LRP1: variants seen among roughly 807,000 people sequenced by gnomAD.
The protein encoded by LRP1 is LDL receptor related protein 1.
Under a neutral mutation model 541.5 loss-of-function variants are expected in LRP1, and 51 were observed. The ratio of observed to expected loss-of-function variants is 0.09; its 90% confidence interval spans 0.08 to 0.12. LRP1 has a LOEUF of 0.12. Ranked by LOEUF, LRP1 falls within the 10% of genes least tolerant of loss-of-function variation. LRP1 has a pLI of 1.00. For synonymous variants in LRP1, 2,219 were observed against 2,470.8 expected (o/e 0.90, Z 3.02); for missense variants, 3,878 against 6,376.2 (o/e 0.61, Z 13.34).
In LRP1 at chr12:57,201,499, G is replaced by A. The variant is rs761196035; in HGVS notation, c.10348G>A (p.Glu3450Lys). 43 of 1,612,124 alleles carry A rather than the reference G, an allele frequency of 2.7e-5. 1 individual carries two copies. The South Asian group carries it at 4.1e-4, about 15-fold the overall frequency. The part of the protein sequence containing the change: ...GDGEDERDCP[E>K]VTCAPNQFQC... The stretch of plus-strand genomic sequence containing the variant: ...TCATTCTCTTGCCCACCCCACAGCC[G>A]AGGTGACCTGCGCCCCCAACCAGTT... Residue 3450 changes from glutamate (E) to lysine (K), a missense_variant and splice_region_variant, in exon 66 of 89, where the codon GAG (glutamate) becomes AAG (lysine). Physicochemically the swap from Glu to Lys is moderately conservative, Grantham distance 56. Transcript: ENST00000243077. This position sits in a 1 kb window ranked among gnomAD's most constrained non-coding sequence, Gnocchi z 6.4.
At chr12:57,200,894 A>G in intron 64 of LRP1, 79 bp downstream of exon 64, 1 of 1,376,736 alleles carries the variant, frequency 7.3e-7, no homozygotes, top group Non-Finnish European at 9.7e-7. Flanking sequence ...AAGTGCAGGG[A>G]AGTTGCAGCC....
In LRP1 at chr12:57,197,447, A is replaced by G; in HGVS notation, c.9162+63A>G. On this transcript the variant is annotated intron_variant, in intron 57 of 88. Transcript: ENST00000243077. This position sits in a 1 kb window ranked among gnomAD's most constrained non-coding sequence, Gnocchi z 4.5. ...CCAGACCCAGCACAGCCTCCCTTGC[A>G]AGTCTCCCCGCTTAGGTCCAACCAT... 4 of 1,610,480 alleles carry G rather than the reference A, an allele frequency of 2.5e-6. No homozygotes were observed. The highest frequency in any genetic ancestry group is 3.4e-6 in the Non-Finnish European group (4 of 1,177,400).
At chr12:57,137,439 C>T (rs2035195684) in intron 1 of LRP1, among the ~76,000 whole-genome samples, 1 of 152,066 alleles carries the variant, frequency 6.6e-6, no homozygotes, top group African/African-American at 2.4e-5. Flanking sequence ...CATCCCCCTG[C>T]CTCTGCTCCC....
intron 1 of LRP1, among the ~76,000 whole-genome samples, chr12:57,129,748 A>G (rs1433419255): frequency 2.0e-5 from 3 of 152,150 alleles, no homozygotes; most frequent in African/African-American, 7.2e-5. Context: ...TTGAGATGAA[A>G]AAACGTCAGA....
At chr12:57,187,828 G>A (rs896977432) in intron 42 of LRP1, among the ~76,000 whole-genome samples, 18 of 152,194 alleles carry the variant, frequency 1.2e-4, no homozygotes, top group African/African-American at 4.3e-4. Context: ...GAAGCCTAAG[G>A]CTGGGCCTAC....
rs140769128 is a variant in LRP1, at chr12:57,189,698, G to C, written c.7032-1107G>C. Among the ~76,000 whole-genome samples, 1 of 152,050 alleles carries C rather than the reference G, an allele frequency of 6.6e-6. No homozygotes were observed. The highest frequency in any genetic ancestry group is 1.5e-5 in the Non-Finnish European group (1 of 67,990). ...CCAGAATGGTGAGGGGCAGAGGTAG[G>C]AGGAGGCCAGAGGCACTGGGGTGGG... On this transcript the variant is annotated intron_variant, in intron 42 of 88. Coordinates refer to ENST00000243077, the MANE Select transcript of LRP1 (RefSeq NM_002332.3). The surrounding 1 kb of genome is among the most constrained non-coding windows in gnomAD (Gnocchi z 4.4).
chr12:57,194,808 C>G lies in LRP1; in HGVS notation c.8191+109C>G. 2.2e-6 allele frequency: 3 copies of G among 1,377,084 alleles called. No homozygotes were observed. The South Asian group carries it at 4.1e-5, about 19-fold the overall frequency. 85.3% of individuals were successfully genotyped at this position (1,377,084 alleles called of 1,614,324 possible). ...AAAAGGGCATCCAGAGCCTTCAACC[C>G]CCTGCCCCACACCCCAACTCTTGAG... On this transcript the variant is annotated intron_variant, in intron 50 of 88. Coordinates refer to ENST00000243077, the MANE Select transcript of LRP1 (RefSeq NM_002332.3).
At position 57,204,213 on chromosome 12, in the gene LRP1, A is replaced by G; in HGVS notation, c.10952-197A>G. On this transcript the variant is annotated intron_variant, in intron 70 of 88. Transcript: ENST00000243077. This position sits in a 1 kb window ranked among gnomAD's most constrained non-coding sequence, Gnocchi z 5.3. ...CTCTGAACTCCTCCAGACACCCCTG[A>G]AAAATGGCCTCTTCTCCCCTAAATA... 1.8e-6 allele frequency: 1 copy of G among 555,888 alleles called. No individual in the cohort carries two copies. Among genetic ancestry groups the G allele is most frequent in the Non-Finnish European group, 3.0e-6 (1 of 328,970 alleles). 34.4% of individuals were successfully genotyped at this position (555,888 alleles called of 1,614,324 possible).
chr12:57,185,828 G>A lies in LRP1; in HGVS notation c.6761G>A (p.Arg2254His). Residue 2254 changes from arginine to histidine, a missense_variant, in exon 41 of 89, where the codon CGC becomes CAC. This residue lies in a region of LRP1 where 1,100 missense variants were observed against 1,827.4 expected (regional missense o/e 0.60). Coordinates refer to ENST00000243077, the MANE Select transcript of LRP1 (RefSeq NM_002332.3). This position sits in a 1 kb window ranked among gnomAD's most constrained non-coding sequence, Gnocchi z 4.9. ...GGCACCTCTCCGGGCACCCCCAATCGCATCTTCTTCAGCGACATCCACTTT... is the reference window on the plus strand; with the variant it reads ...GGCACCTCTCCGGGCACCCCCAATCACATCTTCTTCAGCGACATCCACTTT... ...RAGTSPGTPNRIFFSDIHFGN... is the reference protein window; with the variant it reads ...RAGTSPGTPNHIFFSDIHFGN... The A allele has an allele frequency of 2.5e-6, 4 of 1,614,094 alleles. No individual in the cohort carries two copies. The highest frequency in any genetic ancestry group is 3.4e-6 in the Non-Finnish European group (4 of 1,180,008).
chr12:57,149,443 G>C lies in LRP1; in HGVS notation c.841+3953G>C. 5.2e-6 allele frequency: 3 copies of C among 582,080 alleles called. No homozygotes were observed. The South Asian group carries it at 6.2e-5, about 12-fold the overall frequency. 36.1% of individuals were successfully genotyped at this position (582,080 alleles called of 1,614,324 possible). On this transcript the variant is annotated intron_variant, in intron 6 of 88. Transcript: ENST00000243077. ...CCTCCCCCGCTGTCTCCTTGAAATTGCCTCTCCACCCAGACTGCTCCCAGC... is the reference window on the plus strand; with the variant it reads ...CCTCCCCCGCTGTCTCCTTGAAATTCCCTCTCCACCCAGACTGCTCCCAGC...
chr12:57,136,105 G>A (rs983098768), intron 1 of LRP1, among the ~76,000 whole-genome samples: 5 of 152,218 alleles, frequency 3.3e-5, no homozygotes, highest in African/African-American at 4.8e-5. Flanking sequence ...ACGGTTCTCC[G>A]GCATGCTAAC....
Position 57,211,675 on chromosome 12 carries a change from AC to A in LRP1, c.13194-69del. Reference sequence around the variant, plus strand: ...GGAGGACCGTCAGGCCTCAGTGCCCACCCCCCGCCCTGTTTTCCTGGCAGCA... The same window carrying A: ...GGAGGACCGTCAGGCCTCAGTGCCCACCCCCGCCCTGTTTTCCTGGCAGCA... On this transcript the variant is annotated intron_variant, in intron 85 of 88. Coordinates refer to ENST00000243077, the MANE Select transcript of LRP1 (RefSeq NM_002332.3). This position sits in a 1 kb window ranked among gnomAD's most constrained non-coding sequence, Gnocchi z 4.3. The A allele has an allele frequency of 2.5e-6, 3 of 1,208,782 alleles. No homozygotes were observed. Among genetic ancestry groups the A allele is most frequent in the Non-Finnish European group, 3.7e-6 (3 of 816,450 alleles). The allele number at this position is 1,208,782 out of a possible 1,614,324, so 74.9% of individuals were successfully genotyped here.
rs548575481 is a variant in LRP1, at chr12:57,212,217, G to T, written c.13450G>T (p.Val4484Leu). The T allele has an allele frequency of 2.2e-5, 35 of 1,613,964 alleles. No homozygotes were observed. Among genetic ancestry groups the T allele is most frequent in the Middle Eastern group, 3.3e-4 (2 of 6,062 alleles). The change falls in exon 88 of 89, where the codon GTG (valine) becomes TTG (leucine). Residue 4484 changes from valine (V) to leucine (L), a missense_variant. Val to Leu is a conservative substitution (Grantham distance 32). Around this residue, in one of 13 missense-constraint regions of LRP1, gnomAD observed 871 missense variants for 1,212.4 expected, o/e 0.72. Transcript: ENST00000243077. This position sits in a 1 kb window ranked among gnomAD's most constrained non-coding sequence, Gnocchi z 5.0. ...GTACGAAGGCGGAGAGCCTGATGAT[G>T]TGGGAGGCCTACTGGACGCTGACTT... ...KMYEGGEPDD[V>L]GGLLDADFAL...
intron 41 of LRP1, 58 bp from the exon 42 acceptor site, chr12:57,187,209 C>A: frequency 6.4e-7 from 1 of 1,551,460 alleles, no homozygotes; most frequent in South Asian, 1.2e-5. Flanking sequence ...CCCCACGGCT[C>A]CTGTGCAGGC....
At chr12:57,203,678 A>G in intron 70 of LRP1, 157 bp downstream of exon 70, 1 of 995,404 alleles carries the variant, frequency 1.0e-6, no homozygotes, top group Non-Finnish European at 1.4e-6. Flanking sequence ...CATAGGTGTT[A>G]GGGACGTAGT....
At chr12:57,138,905 C>T (rs1490871088) in intron 2 of LRP1, among the ~76,000 whole-genome samples, 1 of 152,208 alleles carries the variant, frequency 6.6e-6, no homozygotes, top group Non-Finnish European at 1.5e-5. Flanking sequence ...TCTCAGCCTC[C>T]CTGACCCTTG....
intron 68 of LRP1, chr12:57,202,978 T>G: frequency 3.5e-6 from 2 of 576,004 alleles, no homozygotes; most frequent in Non-Finnish European, 3.1e-6. Context: ...GTCTGTCCCA[T>G]GGGGTAAGTG....
In LRP1 at chr12:57,179,432, C is replaced by T. The variant is rs753365362; in HGVS notation, c.4842C>T (p.Ile1614=). Reference sequence around the variant, plus strand: ...TCATCTCCTTCACGGTGCCCGACATCGACAACGTCACAGTGCTAGACTACG... The same window carrying T: ...TCATCTCCTTCACGGTGCCCGACATTGACAACGTCACAGTGCTAGACTACG... ...NYIISFTVPD[I]DNVTVLDYDA... Residue 1614 remains isoleucine, a synonymous_variant, in exon 29 of 89, where the codon ATC becomes ATT. Transcript: ENST00000243077. The surrounding 1 kb of genome is among the most constrained non-coding windows in gnomAD (Gnocchi z 6.8). The T allele has an allele frequency of 7.4e-6, 12 of 1,614,106 alleles. No individual in the cohort carries two copies. Among genetic ancestry groups the T allele is most frequent in the Admixed American group, 1.7e-5 (1 of 60,008 alleles).
rs2034971355 is a variant in LRP1 at position 57,128,817 on chromosome 12, C to T, written c.-148C>T. The stretch of plus-strand genomic sequence containing the variant: ...CGGAACTCTACCTCTTCACCCACGC[C>T]CCTGGTGCGCTTTGCCGAAGGAAAG... On this transcript the variant is annotated 5_prime_UTR_variant, in exon 1 of 89. Coordinates refer to ENST00000243077, the MANE Select transcript of LRP1 (RefSeq NM_002332.3). 2 of 662,476 alleles carry T rather than the reference C, an allele frequency of 3.0e-6. No individual in the cohort carries two copies. The highest frequency in any genetic ancestry group is 5.7e-5 in the Admixed American group (2 of 34,820). The allele number at this position is 662,476 out of a possible 1,614,324, so 41.0% of individuals were successfully genotyped here.
Sources: allele counts gnomAD v4.1 joint callset (sites outside exome capture counted in the v4.1 genomes callset), GRCh38; gene constraint gnomAD v4.1.1; regional missense constraint gnomAD v4.1.1; non-coding constraint Gnocchi (gnomAD v3.1); transcripts MANE v1.5; gene names NCBI Gene and HGNC (gene_info 2026-07-23, HGNC 2026-07-21).